The following CDHR3 variants were observed in gnomAD, a reference collection of about 807,000 sequenced individuals.
CDHR3 encodes cadherin-related family member 3.
Under a neutral mutation model 86.6 loss-of-function variants are expected in CDHR3, and 79 were observed. The ratio of observed to expected loss-of-function variants is 0.91; its 90% CI spans 0.76 to 1.10. CDHR3 has a LOEUF of 1.10. Ranked by LOEUF, CDHR3 falls within the 50% of genes least tolerant of loss-of-function variation. CDHR3 has a pLI of 0.00. For missense variants in CDHR3, 1,081 were observed against 1,077.6 expected (o/e 1.00, Z -0.04); for synonymous variants, 421 against 402.4 (o/e 1.05, Z -0.55).
Position 106,024,524 on chromosome 7 carries a change from A to G in CDHR3, c.2220A>G (p.Arg740=). 6.2e-7 allele frequency: 1 copy of G among 1,614,018 alleles called. No homozygotes were observed. Among genetic ancestry groups the G allele is most frequent in the South Asian group, 1.1e-5 (1 of 91,080 alleles). Reference sequence around the variant, plus strand: ...TCCTATTGGCCAAAGCCATCCACAGACACTGCCCCTGCAAGACTGGGAAGA... The same window carrying G: ...TCCTATTGGCCAAAGCCATCCACAGGCACTGCCCCTGCAAGACTGGGAAGA... ...LVVLLAKAIH[R]HCPCKTGKNK... The change falls in exon 15 of 19, where the codon AGA becomes AGG. Residue 740 remains arginine, a synonymous_variant. Coordinates refer to ENST00000317716, the MANE Select transcript of CDHR3 (RefSeq NM_152750.5).
intron 4 of CDHR3, among the ~76,000 whole-genome samples, chr7:105,985,255 C>T (rs12532659): frequency 6.6e-6 from 1 of 152,152 alleles, no homozygotes; most frequent in Admixed American, 6.5e-5. Flanking sequence ...TTAGTTGTTC[C>T]CTGGGAGTGG....
At chr7:106,014,174 A>G (rs1835221047) in intron 9 of CDHR3, among the ~76,000 whole-genome samples, 1 of 152,030 alleles carries the variant, frequency 6.6e-6, no homozygotes, top group Non-Finnish European at 1.5e-5. Flanking sequence ...GGTCTCAGGC[A>G]ATCCTCCCAC....
chr7:105,990,472 T>C (rs1831192456), intron 4 of CDHR3, among the ~76,000 whole-genome samples: 1 of 152,196 alleles, frequency 6.6e-6, no homozygotes, highest in Non-Finnish European at 1.5e-5. Flanking sequence ...GAATTGAGGC[T>C]TTTACAAAAT....
intron 10 of CDHR3, 115 bp from the exon 11 acceptor site, chr7:106,015,812 C>A: frequency 1.3e-6 from 1 of 785,032 alleles, no homozygotes; most frequent in Non-Finnish European, 2.2e-6. Context: ...ATGTCTTAGC[C>A]ACCTGGTATC....
At position 106,022,289 on chromosome 7, in the gene CDHR3, G is replaced by A; in HGVS notation, c.1917G>A (p.Gly639=). Residue 639 remains glycine (G), a synonymous_variant, in exon 14 of 19, where the codon GGG becomes GGA. Coordinates refer to ENST00000317716, the MANE Select transcript of CDHR3 (RefSeq NM_152750.5). ...LLTSRFDYAG[G]FDKIWDYKLL... ...CATCTCGCTTTGACTATGCTGGTGG[G>A]TTTGATAAGATCTGGGACTACAAGC... The A allele has an allele frequency of 1.9e-6, 3 of 1,614,008 alleles. No individual in the cohort carries two copies. Among genetic ancestry groups the A allele is most frequent in the Non-Finnish European group, 2.5e-6 (3 of 1,179,882 alleles).
chr7:106,010,202 G>A (rs117438161), intron 8 of CDHR3, among the ~76,000 whole-genome samples: 1,814 of 152,308 alleles, frequency 0.012, 15 homozygotes, highest in Non-Finnish European at 0.018. Context: ...GGATACTTAT[G>A]CATGGAAGTT....
chr7:106,011,674 T>A (rs1834830374), intron 8 of CDHR3, among the ~76,000 whole-genome samples: 1 of 152,200 alleles, frequency 6.6e-6, no homozygotes, highest in Non-Finnish European at 1.5e-5. Flanking sequence ...TTGATATCAT[T>A]TATGTCCATT....
intron 9 of CDHR3, among the ~76,000 whole-genome samples, chr7:106,014,559 T>C (rs1835283373): frequency 6.6e-6 from 1 of 152,210 alleles, no homozygotes. Flanking sequence ...AGTTTGAGGC[T>C]GCAGTGAGCT....
intron 6 of CDHR3, among the ~76,000 whole-genome samples, chr7:105,999,054 A>G (rs1222325824): frequency 6.6e-6 from 1 of 152,170 alleles, no homozygotes; most frequent in African/African-American, 2.4e-5. Context: ...CTTCCCTGTG[A>G]GTGTGGCCAC....
intron 8 of CDHR3, 39 bp from the exon 9 acceptor site, chr7:106,012,821 A>G: frequency 2.6e-6 from 4 of 1,556,802 alleles, no homozygotes; most frequent in Non-Finnish European, 3.5e-6. Flanking sequence ...GTCGATTACC[A>G]TTTATTGGGG....
chr7:106,014,721 G>T (rs1201156049), intron 9 of CDHR3, among the ~76,000 whole-genome samples: 1 of 152,172 alleles, frequency 6.6e-6, no homozygotes, highest in Non-Finnish European at 1.5e-5. Context: ...TTCAGACTGT[G>T]GTTGACTCCA....
At chr7:105,968,685 A>T (rs997088366) in intron 1 of CDHR3, among the ~76,000 whole-genome samples, 1 of 152,178 alleles carries the variant, frequency 6.6e-6, no homozygotes. Flanking sequence ...CTTATGTGGC[A>T]TCTGTGCTGT....
chr7:105,973,779 C>T (rs1173694717), intron 1 of CDHR3, among the ~76,000 whole-genome samples: 3 of 152,084 alleles, frequency 2.0e-5, no homozygotes, highest in Non-Finnish European at 4.4e-5. Context: ...CCAACCTGGC[C>T]AACATGGTGA....
chr7:106,023,102 T>C (rs1351583865), intron 14 of CDHR3, among the ~76,000 whole-genome samples: 2 of 152,158 alleles, frequency 1.3e-5, no homozygotes, highest in African/African-American at 4.8e-5. Context: ...ACCTGGAAAC[T>C]GGTTGGAAAT....
At chr7:105,969,532 G>C (rs114548571) in intron 1 of CDHR3, among the ~76,000 whole-genome samples, 6 of 152,176 alleles carry the variant, frequency 3.9e-5, no homozygotes, top group Admixed American at 2.0e-4. Context: ...TCTCAACGAG[G>C]ACCTTCTGTG....
At chr7:106,000,367 A>G (rs1222580736) in intron 6 of CDHR3, among the ~76,000 whole-genome samples, 2 of 152,140 alleles carry the variant, frequency 1.3e-5, no homozygotes, top group Admixed American at 6.5e-5. Flanking sequence ...ACTGCCCCTG[A>G]CTTAGCTATT....
intron 12 of CDHR3, among the ~76,000 whole-genome samples, chr7:106,020,054 G>T (rs1360549774): frequency 5.3e-5 from 8 of 152,252 alleles, no homozygotes; most frequent in African/African-American, 7.2e-5. Context: ...TGTGTGGGGG[G>T]GGGGCAAGGT....
chr7:105,996,465 C>A, intron 6 of CDHR3, 111 bp downstream of exon 6: 1 of 578,294 alleles, frequency 1.7e-6, no homozygotes. Flanking sequence ...TTTGCTGTGG[C>A]CTGCAGGAAA....
intron 1 of CDHR3, among the ~76,000 whole-genome samples, chr7:105,971,481 C>T (rs773587110): frequency 9.9e-5 from 15 of 152,108 alleles, no homozygotes; most frequent in South Asian, 6.2e-4. Context: ...TCAAGGAGGA[C>T]GATAAAAAAC....
Sources: allele counts gnomAD v4.1 joint callset (sites outside exome capture counted in the v4.1 genomes callset), GRCh38; gene constraint gnomAD v4.1.1; transcripts MANE v1.5; gene names NCBI Gene and HGNC (gene_info 2026-07-23, HGNC 2026-07-21).